The following COL13A1 variants were observed in gnomAD, a reference collection of about 807,000 sequenced individuals.
COL13A1 encodes collagen alpha-1(XIII) chain.
A neutral mutation model predicts 130.9 loss-of-function variants in COL13A1; 89 were observed. That is an observed-to-expected ratio of 0.68 (90% CI 0.57 to 0.81). COL13A1 has a LOEUF of 0.81. Among genes scored for constraint, COL13A1 ranks in the 30% least tolerant of loss-of-function variants. COL13A1 has a pLI of 0.00. For synonymous variants in COL13A1, 402 were observed against 341.6 expected (o/e 1.18, Z -1.95); for missense variants, 879 against 934.6 (o/e 0.94, Z 0.78).
chr10:69,896,331 C>T (rs944376023), intron 13 of COL13A1, among the ~76,000 whole-genome samples: 45 of 152,226 alleles, frequency 3.0e-4, no homozygotes, highest in African/African-American at 1.1e-3. Context: ...GATCTTGGGA[C>T]AGGGGAGAGC....
In COL13A1 at chr10:69,896,425, T is replaced by C. The variant is rs114267866; in HGVS notation, c.684+849T>C. ...CCCCTCATTTTGTGGATTGGCCTCG[T>C]TGCTCCCAGACCTGGACAGCAGGGA... On this transcript the variant is annotated intron_variant, in intron 13 of 40. Transcript: ENST00000645393. Among the ~76,000 whole-genome samples the C allele has an allele frequency of 2.5e-3, 388 of 152,254 alleles. 2 individuals are homozygous for C. Among genetic ancestry groups the C allele is most frequent in the African/African-American group, 8.7e-3 (362 of 41,538 alleles).
At chr10:69,957,482 C>G (rs2070988137) in intron 40 of COL13A1, among the ~76,000 whole-genome samples, 1 of 152,210 alleles carries the variant, frequency 6.6e-6, no homozygotes, top group African/African-American at 2.4e-5. Context: ...GTGCTCCTCA[C>G]CACTCTACCA....
intron 37 of COL13A1, among the ~76,000 whole-genome samples, chr10:69,947,093 T>C (rs1307101007): frequency 6.6e-6 from 1 of 152,222 alleles, no homozygotes; most frequent in Non-Finnish European, 1.5e-5. Flanking sequence ...CAGCCTGAAG[T>C]GTGTTCTTGG....
intron 2 of COL13A1, among the ~76,000 whole-genome samples, chr10:69,842,244 A>G (rs758509600): frequency 2.4e-4 from 37 of 151,988 alleles, no homozygotes; most frequent in Non-Finnish European, 4.6e-4. Context: ...CTTGATTCTC[A>G]TTTCTCTCTC....
chr10:69,870,480 T>C (rs1188337845), intron 3 of COL13A1, among the ~76,000 whole-genome samples: 1 of 42,630 alleles, frequency 2.3e-5, no homozygotes, highest in Non-Finnish European at 5.8e-5. Flanking sequence ...ACCTGGCTAA[T>C]TTTTTTAATT....
chr10:69,887,716 G>A (rs1447404512), intron 8 of COL13A1, among the ~76,000 whole-genome samples: 1 of 152,148 alleles, frequency 6.6e-6, no homozygotes, highest in Non-Finnish European at 1.5e-5. Flanking sequence ...CAAATTAAGG[G>A]GCAGCAGGAC....
At position 69,952,878 on chromosome 10, in the gene COL13A1, A is replaced by T. The variant is rs770814746; in HGVS notation, c.2059-4A>T. The T allele has an allele frequency of 1.4e-5, 21 of 1,550,002 alleles. No individual in the cohort carries two copies. The highest frequency in any genetic ancestry group is 1.8e-5 in the Non-Finnish European group (21 of 1,156,670). On this transcript the variant is annotated splice_region_variant and splice_polypyrimidine_tract_variant and intron_variant, in intron 38 of 40. Coordinates refer to ENST00000645393, the MANE Select transcript of COL13A1 (RefSeq NM_001368882.1). Reference sequence around the variant, plus strand: ...TTTTTCTCGGACTAAACCATTATTTACAGGGGGAGAGGGGGAAGAAAGGCT... The same window carrying T: ...TTTTTCTCGGACTAAACCATTATTTTCAGGGGGAGAGGGGGAAGAAAGGCT...
rs553020862 is a variant in COL13A1 at position 69,841,023 on chromosome 10, G to A, written c.364+18585G>A. 2.3e-3 allele frequency among the ~76,000 whole-genome samples: 348 copies of A among 151,976 alleles called. 4 individuals carry two copies. The highest frequency in any genetic ancestry group is 7.5e-3 in the African/African-American group (309 of 41,436). On this transcript the variant is annotated intron_variant, in intron 2 of 40. Transcript: ENST00000645393. ...CCTGCAGTGGCGCCAGTGCCTTCAC[G>A]ACCATGTCCAGCACACCCCATCGGG... is the stretch of plus-strand genomic sequence containing the variant.
chr10:69,945,107 G>T (rs1589698566), intron 36 of COL13A1, among the ~76,000 whole-genome samples: 1 of 152,146 alleles, frequency 6.6e-6, no homozygotes, highest in Admixed American at 6.5e-5. Flanking sequence ...CAGCCCCTGG[G>T]TTCTACACAC....
At position 69,945,900 on chromosome 10, in the gene COL13A1, G is replaced by A. The variant is rs564593512; in HGVS notation, c.2022+176G>A. Among the ~76,000 whole-genome samples the A allele has an allele frequency of 4.1e-4, 63 of 152,112 alleles. 1 individual carries two copies. The South Asian group carries it at 9.1e-3, about 22-fold the overall frequency. On this transcript the variant is annotated intron_variant, in intron 37 of 40. Transcript: ENST00000645393. ...ATCCTGGCCAACACGGTGAAACCCCGTCTTTACTAAAAATACAAAACTTAG... is the reference window on the plus strand; with the variant it reads ...ATCCTGGCCAACACGGTGAAACCCCATCTTTACTAAAAATACAAAACTTAG...
At chr10:69,836,274 G>A (rs1224547385) in intron 2 of COL13A1, among the ~76,000 whole-genome samples, 1 of 152,188 alleles carries the variant, frequency 6.6e-6, no homozygotes, top group Non-Finnish European at 1.5e-5. Flanking sequence ...CCCAGTGTGG[G>A]CTACAGTCCC....
chr10:69,812,064 G>C (rs1269928237), intron 1 of COL13A1, among the ~76,000 whole-genome samples: 1 of 152,220 alleles, frequency 6.6e-6, no homozygotes, highest in Non-Finnish European at 1.5e-5. Flanking sequence ...ACAGTAGCCA[G>C]AGGGGACCTT....
chr10:69,934,673 G>C (rs1339497993), intron 31 of COL13A1, among the ~76,000 whole-genome samples: 2 of 152,246 alleles, frequency 1.3e-5, no homozygotes, highest in Non-Finnish European at 2.9e-5. Flanking sequence ...CTGTAGAGGA[G>C]GCAGCCCTGA....
At chr10:69,905,693 G>A (rs571926110) in intron 16 of COL13A1, 94 bp from the exon 17 acceptor site, 8 of 1,417,410 alleles carry the variant, frequency 5.6e-6, no homozygotes, top group African/African-American at 2.8e-5. Flanking sequence ...TGGAGTCATC[G>A]AGAGGAAGAG....
At chr10:69,840,349 C>G (rs1295724818) in intron 2 of COL13A1, among the ~76,000 whole-genome samples, 1 of 152,114 alleles carries the variant, frequency 6.6e-6, no homozygotes, top group Non-Finnish European at 1.5e-5. Flanking sequence ...AGTTGCGTGT[C>G]CCCCAGCGTG....
At chr10:69,816,319 C>G (rs781624502) in intron 1 of COL13A1, among the ~76,000 whole-genome samples, 2 of 150,196 alleles carry the variant, frequency 1.3e-5, no homozygotes, top group African/African-American at 2.5e-5. Flanking sequence ...TTTTGAGCAA[C>G]TGGTGGGATG....
At chr10:69,892,360 G>A (rs1341470955) in intron 10 of COL13A1, among the ~76,000 whole-genome samples, 1 of 152,150 alleles carries the variant, frequency 6.6e-6, no homozygotes, top group African/African-American at 2.4e-5. Flanking sequence ...TCAAAAGGGA[G>A]TCACCTCTGC....
intron 29 of COL13A1, 142 bp from the exon 30 acceptor site, chr10:69,930,258 C>A: frequency 9.5e-7 from 1 of 1,048,536 alleles, no homozygotes; most frequent in South Asian, 1.6e-5. Flanking sequence ...CAGGAGGAGC[C>A]AGGCAGACCC....
intron 2 of COL13A1, among the ~76,000 whole-genome samples, chr10:69,843,397 A>G (rs1180254762): frequency 6.6e-6 from 1 of 151,968 alleles, no homozygotes; most frequent in Non-Finnish European, 1.5e-5. Context: ...TTCAACCTCT[A>G]GGGTCTTTTT....
Sources: gnomAD v4.1 joint callset for allele counts (sites outside exome capture counted in the v4.1 genomes callset) on GRCh38, gnomAD v4.1.1 for gene constraint, MANE v1.5 for transcripts, NCBI Gene and HGNC (gene_info 2026-07-23, HGNC 2026-07-21) for gene names.